The following WWOX variants were observed in gnomAD, a reference collection of about 807,000 sequenced individuals.
WWOX encodes WW domain containing oxidoreductase, also known as WW domain-containing oxidoreductase.
Under a neutral mutation model 46.2 loss-of-function variants are expected in WWOX, and 69 were observed. That is an observed-to-expected ratio of 1.49 (90% CI 1.23 to 1.82). The LOEUF is 1.82. Ranked by LOEUF, WWOX falls within the 40% of genes most tolerant of loss-of-function variation. The pLI, the probability that WWOX is intolerant of heterozygous loss-of-function variation, is 0.00. For missense variants in WWOX, 919 were observed against 542.6 expected, an observed-to-expected ratio of 1.69 and a Z score of -6.89; for synonymous variants, 359 against 202.6, an observed-to-expected ratio of 1.77 and a Z score of -6.56.
chr16:78,246,650 G>A (rs1012554961), intron 5 of WWOX, among the ~76,000 whole-genome samples: 7 of 152,178 alleles, frequency 4.6e-5, no homozygotes, highest in African/African-American at 1.7e-4. Context: ...GTCTTCTGTG[G>A]CATGGAAAAG....
At chr16:78,775,666 C>G (rs1284108580) in intron 8 of WWOX, among the ~76,000 whole-genome samples, 1 of 152,144 alleles carries the variant, frequency 6.6e-6, no homozygotes, top group African/African-American at 2.4e-5. Context: ...GGACAGGAGC[C>G]TTAGTAATAT....
chr16:78,499,550 A>T (rs1455028945), intron 8 of WWOX, among the ~76,000 whole-genome samples: 2 of 152,218 alleles, frequency 1.3e-5, no homozygotes, highest in African/African-American at 2.4e-5. Context: ...TTGAGTCCAC[A>T]ATGCCGGGCG....
intron 8 of WWOX, among the ~76,000 whole-genome samples, chr16:78,723,499 C>G (rs2048741997): frequency 8.6e-6 from 1 of 116,496 alleles, no homozygotes; most frequent in African/African-American, 3.5e-5. Flanking sequence ...TCTTTCCAGC[C>G]TCATCTTCTA....
intron 5 of WWOX, among the ~76,000 whole-genome samples, chr16:78,357,209 T>G (rs1337571333): frequency 6.6e-6 from 1 of 152,116 alleles, no homozygotes. Flanking sequence ...GTCATATGAG[T>G]TGCTAGCTGG....
chr16:78,598,231 T>C (rs1597326477), intron 8 of WWOX, among the ~76,000 whole-genome samples: 1 of 152,290 alleles, frequency 6.6e-6, no homozygotes, highest in Non-Finnish European at 1.5e-5. Flanking sequence ...ACAGAAAATA[T>C]TTCACTATCA....
chr16:78,886,662 AAT>A (rs1471988375), intron 8 of WWOX, among the ~76,000 whole-genome samples: 2 of 147,080 alleles, frequency 1.4e-5, no homozygotes, highest in African/African-American at 5.1e-5. Flanking sequence ...ATATATGTAA[AAT>A]ATATATATGA....
chr16:78,908,495 A>T (rs1010830289), intron 8 of WWOX, among the ~76,000 whole-genome samples: 1 of 151,352 alleles, frequency 6.6e-6, no homozygotes, highest in Non-Finnish European at 1.5e-5. Flanking sequence ...AGTCGAGATC[A>T]CACCACTGCA....
intron 8 of WWOX, among the ~76,000 whole-genome samples, chr16:79,055,543 T>C (rs1260380217): frequency 1.3e-5 from 2 of 152,154 alleles, no homozygotes; most frequent in Non-Finnish European, 2.9e-5. Flanking sequence ...AGGCCCTAGA[T>C]ACTGAAAATC....
chr16:78,812,349 A>G (rs2051211613), intron 8 of WWOX, among the ~76,000 whole-genome samples: 1 of 152,138 alleles, frequency 6.6e-6, no homozygotes, highest in African/African-American at 2.4e-5. Context: ...GGTGACACCG[A>G]TTTAACATGA....
At chr16:78,446,350 G>T (rs186847099) in intron 8 of WWOX, among the ~76,000 whole-genome samples, 3 of 152,172 alleles carry the variant, frequency 2.0e-5, no homozygotes, top group Admixed American at 2.0e-4. Flanking sequence ...CTTTCTCCAT[G>T]GCCTTGGTCA....
At chr16:79,115,192 G>C (rs2049491294) in intron 8 of WWOX, among the ~76,000 whole-genome samples, 1 of 152,172 alleles carries the variant, frequency 6.6e-6, no homozygotes, top group African/African-American at 2.4e-5. Context: ...ATTCAAATGG[G>C]GTTGCTTGAT....
chr16:78,140,758 T>G (rs2033958955), intron 4 of WWOX, among the ~76,000 whole-genome samples: 1 of 152,216 alleles, frequency 6.6e-6, no homozygotes, highest in Admixed American at 6.5e-5. Flanking sequence ...GCAAAGGCCC[T>G]GTTTCCAAGT....
intron 8 of WWOX, among the ~76,000 whole-genome samples, chr16:78,848,725 T>C (rs185142363): frequency 4.8e-4 from 73 of 152,136 alleles, no homozygotes; most frequent in African/African-American, 1.7e-3. Flanking sequence ...AACAGGGTAA[T>C]GATGAGGTTG....
At chr16:78,982,061 T>C (rs113428668) in intron 8 of WWOX, among the ~76,000 whole-genome samples, 12 of 152,274 alleles carry the variant, frequency 7.9e-5, no homozygotes, top group African/African-American at 2.9e-4. Flanking sequence ...ACGTGTTGTC[T>C]GTAGGATTTG....
intron 8 of WWOX, among the ~76,000 whole-genome samples, chr16:78,569,415 G>C (rs1017452805): frequency 6.6e-6 from 1 of 152,152 alleles, no homozygotes; most frequent in Non-Finnish European, 1.5e-5. Flanking sequence ...ATTTCAGTTG[G>C]TCAAGTCATT....
At chr16:78,392,494 C>T (rs4542678) in intron 6 of WWOX, among the ~76,000 whole-genome samples, 1 of 152,066 alleles carries the variant, frequency 6.6e-6, no homozygotes, top group Non-Finnish European at 1.5e-5. Context: ...TAAATGTCAT[C>T]TGCTTGAATC....
intron 8 of WWOX, among the ~76,000 whole-genome samples, chr16:79,003,965 G>C (rs532082756): frequency 6.6e-6 from 1 of 152,102 alleles, no homozygotes; most frequent in Admixed American, 6.5e-5. Context: ...CCTTCCCTTT[G>C]CCAAGAAAGT....
intron 5 of WWOX, among the ~76,000 whole-genome samples, chr16:78,354,490 A>C (rs1046384350): frequency 8.5e-5 from 13 of 152,050 alleles, no homozygotes; most frequent in Non-Finnish European, 1.5e-4. Flanking sequence ...TGATGTATTG[A>C]AAACTTGTAT....
chr16:78,590,884 C>T (rs1330044881), intron 8 of WWOX, among the ~76,000 whole-genome samples: 2 of 152,164 alleles, frequency 1.3e-5, no homozygotes, highest in Non-Finnish European at 2.9e-5. Context: ...GTTTAGACAA[C>T]ACCAGCTGCT....
Sources: allele counts gnomAD v4.1 joint callset (sites outside exome capture counted in the v4.1 genomes callset), GRCh38; gene constraint gnomAD v4.1.1; transcripts MANE v1.5; gene names NCBI Gene and HGNC (gene_info 2026-07-23, HGNC 2026-07-21).